TMEM87A: variants seen among roughly 807,000 people sequenced by gnomAD.
TMEM87A encodes transmembrane protein 87A, also known as Golgi-pH regulating cation channel.
Under a neutral mutation model 90.0 loss-of-function variants are expected in TMEM87A, and 50 were observed. That is an observed-to-expected ratio of 0.56 (90% CI 0.44 to 0.70). The LOEUF is 0.70. Ranked by LOEUF, TMEM87A falls within the 30% of genes least tolerant of loss-of-function variation. The pLI is 0.00. For synonymous variants in TMEM87A, 226 were observed against 226.7 expected (o/e 1.00, Z 0.03); for missense variants, 577 against 660.5 (o/e 0.87, Z 1.39).
chr15:42,252,649 T>G (rs946625284), intron 6 of TMEM87A, among the ~76,000 whole-genome samples: 3 of 152,168 alleles, frequency 2.0e-5, no homozygotes, highest in African/African-American at 7.2e-5. Flanking sequence ...CAGGCTCATC[T>G]TCATTCTTTT....
In TMEM87A at chr15:42,261,206, T is replaced by A; in HGVS notation, c.449A>T (p.Glu150Val). The change falls in exon 5 of 20, where the codon GAA (glutamate) becomes GTA (valine). Residue 150 changes from glutamate to valine, a missense_variant. Transcript: ENST00000389834. ...DFMHRLPLLG[E>V]KQEAKENGTN... ...AATGAAAACAATTACCTCCTGTTTT[T>A]CTCCTAAAAGAGGCAGTCGATGCAT... The A allele has an allele frequency of 1.2e-6, 2 of 1,612,824 alleles. No homozygotes were observed. Among genetic ancestry groups the A allele is most frequent in the Non-Finnish European group, 8.5e-7 (1 of 1,179,646 alleles).
chr15:42,228,695 G>T lies in TMEM87A; in HGVS notation c.1240+17C>A, dbSNP rs368086525. On this transcript the variant is annotated intron_variant, in intron 13 of 19. Transcript: ENST00000389834. ...ACAGATCACATTTGAACTCCAAGAA[G>T]AAAGTCCCAGACTTACCTGCCACTG... The T allele has an allele frequency of 1.9e-6, 3 of 1,603,804 alleles. No individual in the cohort carries two copies. Among genetic ancestry groups the T allele is most frequent in the Non-Finnish European group, 2.6e-6 (3 of 1,170,772 alleles).
At chr15:42,227,608 A>C (rs1359702669) in intron 14 of TMEM87A, 103 bp downstream of exon 14, 3 of 1,034,100 alleles carry the variant, frequency 2.9e-6, no homozygotes, top group Non-Finnish European at 4.4e-6. Flanking sequence ...CCTAGCTCTA[A>C]TTTTTTATAA....
intron 6 of TMEM87A, among the ~76,000 whole-genome samples, chr15:42,249,996 T>C (rs1212189973): frequency 6.6e-6 from 1 of 152,276 alleles, no homozygotes; most frequent in Non-Finnish European, 1.5e-5. Flanking sequence ...GCTCTTCTTG[T>C]TGAATTGACC....
intron 8 of TMEM87A, among the ~76,000 whole-genome samples, chr15:42,238,648 C>A (rs1172875456): frequency 6.6e-6 from 1 of 151,530 alleles, no homozygotes; most frequent in Non-Finnish European, 1.5e-5. Context: ...GCTTGGGAGG[C>A]TGAGGTGGAG....
intron 3 of TMEM87A, among the ~76,000 whole-genome samples, chr15:42,266,473 G>A (rs905170513): frequency 4.7e-5 from 7 of 149,838 alleles, no homozygotes; most frequent in Admixed American, 2.7e-4. Context: ...CTGAGATCGC[G>A]CCACTGCACT....
chr15:42,258,287 G>T (rs1206934506), intron 6 of TMEM87A: 1 of 707,754 alleles, frequency 1.4e-6, no homozygotes, highest in African/African-American at 1.9e-5. Context: ...ATATAAACAT[G>T]CCCATATACA....
At chr15:42,270,768 T>C (rs2051506933) in intron 2 of TMEM87A, among the ~76,000 whole-genome samples, 2 of 152,152 alleles carry the variant, frequency 1.3e-5, no homozygotes, top group Non-Finnish European at 2.9e-5. Context: ...AGTGTCAGAG[T>C]AGATTTGATC....
intron 1 of TMEM87A, 56 bp from the exon 2 acceptor site, chr15:42,272,179 C>G (rs2051546336): frequency 8.0e-7 from 1 of 1,255,088 alleles, no homozygotes; most frequent in African/African-American, 1.5e-5. Context: ...ACCAAAGCAT[C>G]ATATAACTAT....
intron 6 of TMEM87A, among the ~76,000 whole-genome samples, chr15:42,254,375 A>T (rs1197203752): frequency 1.3e-5 from 2 of 152,264 alleles, no homozygotes; most frequent in African/African-American, 4.8e-5. Context: ...AAATGAGTTG[A>T]AAACTTATGT....
At chr15:42,257,036 T>C (rs930153497) in intron 6 of TMEM87A, among the ~76,000 whole-genome samples, 3 of 152,200 alleles carry the variant, frequency 2.0e-5, no homozygotes, top group Non-Finnish European at 2.9e-5. Flanking sequence ...ACTTTTTAAA[T>C]ACAATTTACA....
intron 4 of TMEM87A, among the ~76,000 whole-genome samples, chr15:42,261,695 G>A (rs956086392): frequency 1.3e-5 from 2 of 150,796 alleles, no homozygotes; most frequent in African/African-American, 4.9e-5. Flanking sequence ...GTGCAGTGGT[G>A]TTATCTCGGC....
chr15:42,219,551 A>T, intron 17 of TMEM87A, 30 bp downstream of exon 17: 1 of 1,560,686 alleles, frequency 6.4e-7, no homozygotes, highest in Non-Finnish European at 8.7e-7. Context: ...TGGGACAAAG[A>T]ACAAAGACAA....
chr15:42,264,052 G>T (rs780321180), intron 4 of TMEM87A, 38 bp downstream of exon 4: 3 of 1,509,978 alleles, frequency 2.0e-6, no homozygotes, highest in Non-Finnish European at 9.1e-7. Context: ...TCCAATTTTT[G>T]CCTATTCTAT....
At chr15:42,251,911 G>C (rs141187687) in intron 6 of TMEM87A, among the ~76,000 whole-genome samples, 2 of 152,216 alleles carry the variant, frequency 1.3e-5, no homozygotes, top group African/African-American at 4.8e-5. Context: ...CACCCAATTC[G>C]AACTTCCTGG....
chr15:42,220,215 A>G, intron 15 of TMEM87A, 80 bp from the exon 16 acceptor site: 2 of 1,010,410 alleles, frequency 2.0e-6, no homozygotes, highest in Non-Finnish European at 1.5e-6. Flanking sequence ...TACAAAACTA[A>G]TTATTGAAAC....
At chr15:42,270,070 T>C (rs1212631564) in intron 2 of TMEM87A, among the ~76,000 whole-genome samples, 1 of 141,452 alleles carries the variant, frequency 7.1e-6, no homozygotes, top group East Asian at 2.2e-4. Flanking sequence ...AAGAAAAAGA[T>C]AATGTTAAAG....
rs539591934 is a variant in TMEM87A, at chr15:42,226,277, G to A, written c.1403+529C>T. ...GGCCTCCCAAAGTGCTGGAATTACAGGCGTGAGCCACCACGCCCAGCCCCT... is the reference window on the plus strand; with the variant it reads ...GGCCTCCCAAAGTGCTGGAATTACAAGCGTGAGCCACCACGCCCAGCCCCT... On this transcript the variant is annotated intron_variant, in intron 15 of 19. Coordinates refer to ENST00000389834, the MANE Select transcript of TMEM87A (RefSeq NM_015497.5). Among the ~76,000 whole-genome samples the A allele has an allele frequency of 2.6e-5, 4 of 151,960 alleles. No homozygotes were observed. The South Asian group carries it at 8.3e-4, about 32-fold the overall frequency.
chr15:42,232,228 C>A (rs987837774), intron 11 of TMEM87A, among the ~76,000 whole-genome samples: 5 of 152,048 alleles, frequency 3.3e-5, no homozygotes, highest in Non-Finnish European at 5.9e-5. Context: ...ACATAAATTT[C>A]TTTTCTCCTC....
Sources: allele counts gnomAD v4.1 joint callset (sites outside exome capture counted in the v4.1 genomes callset), GRCh38; gene constraint gnomAD v4.1.1; transcripts MANE v1.5; gene names NCBI Gene and HGNC (gene_info 2026-07-23, HGNC 2026-07-21).